The following NMNAT3 variants were observed in gnomAD, a reference collection of about 807,000 sequenced individuals.
The protein encoded by NMNAT3 is nicotinamide nucleotide adenylyltransferase 3, also known as nicotinamide/nicotinic acid mononucleotide adenylyltransferase 3.
NMNAT3 carries 21 observed loss-of-function variants against 24.8 expected under a neutral mutation model. That is an observed-to-expected ratio of 0.85 (90% CI 0.60 to 1.22). The LOEUF is 1.22. Among genes scored for constraint, NMNAT3 ranks in the 50% most tolerant of loss-of-function variants. The pLI, the probability that NMNAT3 is intolerant of heterozygous loss-of-function variation, is 0.00. For missense variants in NMNAT3, 387 were observed against 436.6 expected, an observed-to-expected ratio of 0.89 and a Z score of 1.01; for synonymous variants, 136 against 155.2, an observed-to-expected ratio of 0.88 and a Z score of 0.92.
intron 1 of NMNAT3, among the ~76,000 whole-genome samples, chr3:139,643,832 T>C (rs1480870119): frequency 6.6e-6 from 1 of 152,200 alleles, no homozygotes; most frequent in Non-Finnish European, 1.5e-5. Context: ...TATTACACAC[T>C]TAAAAATGGT....
intron 1 of NMNAT3, among the ~76,000 whole-genome samples, chr3:139,644,301 G>A (rs368982504): frequency 3.9e-5 from 6 of 152,176 alleles, no homozygotes; most frequent in Admixed American, 1.3e-4. Flanking sequence ...AAATAAGACT[G>A]GCATGCATCT....
At chr3:139,591,799 C>T (rs957920382) in intron 3 of NMNAT3, among the ~76,000 whole-genome samples, 1 of 152,194 alleles carries the variant, frequency 6.6e-6, no homozygotes, top group African/African-American at 2.4e-5. Flanking sequence ...AAAGGACATC[C>T]ACACCAAAAA....
intron 1 of NMNAT3, among the ~76,000 whole-genome samples, chr3:139,648,808 T>G (rs1232941792): frequency 6.6e-6 from 1 of 152,230 alleles, no homozygotes; most frequent in Non-Finnish European, 1.5e-5. Context: ...AGTGACGTAC[T>G]TCTACATATA....
rs1219788622 is a variant in NMNAT3 at position 139,636,868 on chromosome 3, G to A, written c.-41+1095C>T. The A allele has an allele frequency of 1.3e-5, 2 of 152,206 alleles. 1 individual carries two copies. Among genetic ancestry groups the A allele is most frequent in the African/African-American group, 4.8e-5 (2 of 41,440 alleles). The allele number at this position is 152,206 out of a possible 1,614,324, so 9.4% of individuals were successfully genotyped here. A position where few individuals can be genotyped will look rare whatever the true frequency, so the allele number is the denominator to read the frequency against. ...TGTCCTACTTATCAATAGGCCATGT[G>A]GAATTGACTACAAACCTGTGGGACA... On this transcript the variant is annotated intron_variant, in intron 2 of 6. Coordinates refer to ENST00000643695, the MANE Select transcript of NMNAT3 (RefSeq NM_001320510.2).
rs537092858 is a variant in NMNAT3, at chr3:139,622,821, T to C, written c.109+4795A>G. On this transcript the variant is annotated intron_variant, in intron 3 of 6. Transcript: ENST00000643695. ...ATATGATATATATATAAAATGTATATATGATATATAATATATATTATATAT... is the reference window on the plus strand; with the variant it reads ...ATATGATATATATATAAAATGTATACATGATATATAATATATATTATATAT... Among the ~76,000 whole-genome samples the C allele has an allele frequency of 1.4e-3, 188 of 138,256 alleles. 1 individual carries two copies. Among genetic ancestry groups the C allele is most frequent in the Non-Finnish European group, 2.5e-3 (165 of 65,412 alleles). 90.7% of individuals were successfully genotyped at this position (138,256 alleles called of 152,430 possible). A position where few individuals can be genotyped will look rare whatever the true frequency, so the allele number is the denominator to read the frequency against.
Position 139,655,079 on chromosome 3 carries a change from C to T in NMNAT3, c.-140-17017G>A, listed in dbSNP as rs766000335. Among the ~76,000 whole-genome samples the T allele has an allele frequency of 5.3e-5, 8 of 152,238 alleles. No individual in the cohort carries two copies. The South Asian group carries it at 8.3e-4, about 16-fold the overall frequency. ...TGTTTTGAGTTTTGAAGGATGACTA[C>T]GAGTTAGGCAGGTAAATGAGTTGGG... On this transcript the variant is annotated intron_variant, in intron 1 of 6. Transcript: ENST00000643695.
At chr3:139,565,194 G>A (rs1021654356) in intron 6 of NMNAT3, among the ~76,000 whole-genome samples, 1 of 151,954 alleles carries the variant, frequency 6.6e-6, no homozygotes, top group Non-Finnish European at 1.5e-5. Context: ...TCCTGCCATT[G>A]TAAAAACTGT....
At chr3:139,673,411 T>C (rs1423131957) in intron 1 of NMNAT3, among the ~76,000 whole-genome samples, 2 of 152,136 alleles carry the variant, frequency 1.3e-5, no homozygotes, top group East Asian at 3.9e-4. Flanking sequence ...ACATTCTCAA[T>C]AGGATGACCT....
At chr3:139,676,388 A>G (rs888134433) in intron 1 of NMNAT3, among the ~76,000 whole-genome samples, 1 of 152,240 alleles carries the variant, frequency 6.6e-6, no homozygotes, top group African/African-American at 2.4e-5. Context: ...AGGTCCCAGC[A>G]TAGTTGCTGC....
At chr3:139,666,888 C>T (rs905866734) in intron 1 of NMNAT3, among the ~76,000 whole-genome samples, 1 of 152,180 alleles carries the variant, frequency 6.6e-6, no homozygotes, top group African/African-American at 2.4e-5. Flanking sequence ...TCCTCCAGTT[C>T]CATCCATGTT....
At chr3:139,616,481 T>C (rs1402329015) in intron 3 of NMNAT3, among the ~76,000 whole-genome samples, 2 of 152,172 alleles carry the variant, frequency 1.3e-5, no homozygotes, top group Admixed American at 6.5e-5. Flanking sequence ...ATTTATTACC[T>C]ACAGGTCACT....
intron 3 of NMNAT3, among the ~76,000 whole-genome samples, chr3:139,624,589 C>T (rs2055962939): frequency 6.6e-6 from 1 of 152,048 alleles, no homozygotes; most frequent in Admixed American, 6.6e-5. Context: ...GCTGGGATTA[C>T]AGGTGTGTGC....
intron 1 of NMNAT3, among the ~76,000 whole-genome samples, chr3:139,663,489 T>C (rs974663658): frequency 6.6e-6 from 1 of 152,194 alleles, no homozygotes; most frequent in Admixed American, 6.5e-5. Flanking sequence ...GCAATGGTGC[T>C]TACTCAAAGT....
intron 3 of NMNAT3, among the ~76,000 whole-genome samples, chr3:139,593,659 A>C (rs1413659983): frequency 3.3e-5 from 5 of 150,344 alleles, no homozygotes; most frequent in Non-Finnish European, 5.9e-5. Flanking sequence ...TAAGAATCTC[A>C]CTCAAAACCG....
intron 3 of NMNAT3, among the ~76,000 whole-genome samples, chr3:139,595,711 A>T (rs534612477): frequency 0.081 from 12,266 of 152,162 alleles, 1,079 homozygotes; most frequent in East Asian, 0.37. Flanking sequence ...GCAATGGGGA[A>T]AGGATTCCCT....
chr3:139,600,820 C>A (rs551361981), intron 3 of NMNAT3, among the ~76,000 whole-genome samples: 1 of 152,304 alleles, frequency 6.6e-6, no homozygotes, highest in South Asian at 2.1e-4. Flanking sequence ...GGAAGGGGTG[C>A]TCCGTTGGGG....
At chr3:139,669,787 ATAAAGT>A (rs1166235112) in intron 1 of NMNAT3, among the ~76,000 whole-genome samples, 11 of 152,220 alleles carry the variant, frequency 7.2e-5, no homozygotes, top group Non-Finnish European at 1.3e-4. Context: ...ATTAATACAA[ATAAAGT>A]TAAATATTTT....
At chr3:139,652,859 GCAAA>G (rs1204099747) in intron 1 of NMNAT3, among the ~76,000 whole-genome samples, 4 of 152,160 alleles carry the variant, frequency 2.6e-5, no homozygotes, top group African/African-American at 4.8e-5. Context: ...CTCTGTGAGA[GCAAA>G]CAGTTTTGGC....
At position 139,560,915 on chromosome 3, in the gene NMNAT3, T is replaced by C. The variant is rs995695233; in HGVS notation, c.*95A>G. On this transcript the variant is annotated 3_prime_UTR_variant, in exon 7 of 7. Transcript: ENST00000643695. ...CTGTAGAAATAAAGCAAATGAAAAA[T>C]GGAGAAGCAAAAACCAAAGTAAAAC... 4.0e-5 allele frequency: 50 copies of C among 1,264,808 alleles called. No homozygotes were observed. In the African/African-American group the frequency reaches 6.4e-4, roughly 16 times the overall value. 78.3% of individuals were successfully genotyped at this position (1,264,808 alleles called of 1,614,324 possible).
Sources: allele counts gnomAD v4.1 joint callset (sites outside exome capture counted in the v4.1 genomes callset), GRCh38; gene constraint gnomAD v4.1.1; transcripts MANE v1.5; gene names NCBI Gene and HGNC (gene_info 2026-07-23, HGNC 2026-07-21).